The following PIWIL1 variants were observed in gnomAD, a reference collection of about 807,000 sequenced individuals.
PIWIL1 encodes piwi-like protein 1.
PIWIL1 carries 73 observed loss-of-function variants against 114.4 expected under a neutral mutation model. That is an observed-to-expected ratio of 0.64 (90% confidence interval 0.53 to 0.78). The LOEUF (loss-of-function observed/expected upper bound fraction) is 0.78, where lower values mean the gene tolerates loss of function less well. Among genes scored for constraint, PIWIL1 ranks in the 30% least tolerant of loss-of-function variants. PIWIL1 has a pLI of 0.00. For synonymous variants in PIWIL1, 375 were observed against 369.0 expected, an observed-to-expected ratio of 1.02 and a Z score of -0.19; for missense variants, 723 against 1,063.1, an observed-to-expected ratio of 0.68 and a Z score of 4.45.
chr12:130,402,825 G>GT, the PIWIL1 span, among the ~76,000 whole-genome samples: 1 of 152,220 alleles, frequency 6.6e-6, no homozygotes, highest in African/African-American at 2.4e-5. Flanking sequence ...AGTACGCCAC[G>GT]TGATGGCTTG....
At chr12:130,372,687 TA>T (rs1401872255), downstream of PIWIL1, 1 of 148,946 alleles carries the variant, frequency 6.7e-6, no homozygotes, top group Non-Finnish European at 1.5e-5. Flanking sequence ...TAAAATTTTT[TA>T]AGGAAATGCT....
chr12:130,392,061 C>T, the PIWIL1 span, among the ~76,000 whole-genome samples: 1,325 of 122,676 alleles, frequency 0.011, 14 homozygotes, highest in African/African-American at 0.039. Flanking sequence ...TGTGATGACC[C>T]GGTCACCGTC....
At chr12:130,339,259 C>T (rs1409058682) in intron 1 of PIWIL1, among the ~76,000 whole-genome samples, 5 of 152,088 alleles carry the variant, frequency 3.3e-5, no homozygotes, top group African/African-American at 1.2e-4. Flanking sequence ...GGGAAAGGGG[C>T]GGCGGGGCGG....
At chr12:130,393,649 T>C in the PIWIL1 span, among the ~76,000 whole-genome samples, 1 of 150,674 alleles carries the variant, frequency 6.6e-6, no homozygotes, top group African/African-American at 2.4e-5. Context: ...ACTAGACCGG[T>C]ATTGGATTTT....
the PIWIL1 span, among the ~76,000 whole-genome samples, chr12:130,419,041 G>A: frequency 4.9e-4 from 75 of 152,232 alleles, no homozygotes; most frequent in African/African-American, 1.4e-3. The surrounding 1 kb of genome is among the most constrained non-coding windows in gnomAD (Gnocchi z 4.3). Context: ...CAGCGTATGC[G>A]GTGACTCCAC....
At chr12:130,361,094 C>T in intron 14 of PIWIL1, 86 bp from the exon 15 acceptor site, 1 of 1,102,336 alleles carries the variant, frequency 9.1e-7, no homozygotes, top group Non-Finnish European at 1.3e-6. Context: ...ATTGATACTT[C>T]ACAGGTGAGT....
chr12:130,389,891 T>C, the PIWIL1 span, among the ~76,000 whole-genome samples: 1 of 152,234 alleles, frequency 6.6e-6, no homozygotes, highest in East Asian at 1.9e-4. Flanking sequence ...CGTGCTTTCA[T>C]TGTAATCCAG....
the PIWIL1 span, chr12:130,412,799 G>A: frequency 6.2e-7 from 1 of 1,603,602 alleles, no homozygotes; most frequent in Non-Finnish European, 8.5e-7. Context: ...TAGAGCCAAG[G>A]GGGAAAATAA....
intron 6 of PIWIL1, 66 bp from the exon 7 acceptor site, chr12:130,348,037 A>C (rs1304814288): frequency 3.7e-6 from 4 of 1,089,150 alleles, no homozygotes; most frequent in Non-Finnish European, 5.5e-6. Flanking sequence ...TCTAAACGAC[A>C]TGCTGTTCTG....
intron 1 of PIWIL1, among the ~76,000 whole-genome samples, chr12:130,341,959 TA>T (rs2072928022): frequency 6.6e-6 from 1 of 152,192 alleles, no homozygotes; most frequent in African/African-American, 2.4e-5. Context: ...CCATTCTTTT[TA>T]TTTAGATATA....
At chr12:130,422,795 T>C in the PIWIL1 span, among the ~76,000 whole-genome samples, 128 of 152,280 alleles carry the variant, frequency 8.4e-4, no homozygotes, top group African/African-American at 2.9e-3. This position sits in a 1 kb window ranked among gnomAD's most constrained non-coding sequence, Gnocchi z 5.2. Context: ...AAATAATTCC[T>C]TGTGGGGGGG....
chr12:130,357,316 A>G (rs1198140377), intron 13 of PIWIL1, among the ~76,000 whole-genome samples, 165 bp from the exon 14 acceptor site: 2 of 151,990 alleles, frequency 1.3e-5, no homozygotes, highest in East Asian at 3.9e-4. Context: ...TGCTTAAAAT[A>G]TTGCTCGTTT....
the PIWIL1 span, among the ~76,000 whole-genome samples, chr12:130,395,977 C>T: frequency 6.8e-6 from 1 of 147,402 alleles, no homozygotes; most frequent in African/African-American, 2.5e-5. Flanking sequence ...ACAACATTGT[C>T]AATGGCTCCC....
intron 7 of PIWIL1, 104 bp from the exon 8 acceptor site, chr12:130,349,135 C>A: frequency 1.4e-6 from 1 of 714,032 alleles, no homozygotes. Context: ...CATTCAGAAA[C>A]TTTATAGTTT....
At chr12:130,349,204 G>A in intron 7 of PIWIL1, 35 bp from the exon 8 acceptor site, 3 of 1,534,432 alleles carry the variant, frequency 2.0e-6, no homozygotes, top group Non-Finnish European at 2.7e-6. Context: ...GTTGAATGTG[G>A]AGAGGTTCTT....
Position 130,371,619 on chromosome 12 carries a change from C to T in PIWIL1, c.*21C>T, listed in dbSNP as rs765728467. ...TCTAACCTGCAGAAGACGATGCAGC[C>T]GCTTTTCTTTTTGAAATGACTTTGG... On this transcript the variant is annotated 3_prime_UTR_variant, in exon 21 of 21. Coordinates refer to ENST00000245255, the MANE Select transcript of PIWIL1 (RefSeq NM_004764.5). The T allele has an allele frequency of 1.9e-5, 27 of 1,403,972 alleles. No individual in the cohort carries two copies. Among genetic ancestry groups the T allele is most frequent in the South Asian group, 3.8e-5 (3 of 79,300 alleles). 87.0% of individuals were successfully genotyped at this position (1,403,972 alleles called of 1,614,324 possible). A position where few individuals can be genotyped will look rare whatever the true frequency, so the allele number is the denominator to read the frequency against.
rs200693645 is a variant in PIWIL1, at chr12:130,371,470, C to A, written c.2470-12C>A. ...TCTAGAGTAATAGAACCTTTTTTTC[C>A]TTCCACTAAAGGGTGTCATTCGTGT... On this transcript the variant is annotated splice_polypyrimidine_tract_variant and intron_variant, in intron 20 of 20. Transcript: ENST00000245255. 1.2e-6 allele frequency: 2 copies of A among 1,608,072 alleles called. No individual in the cohort carries two copies. The highest frequency in any genetic ancestry group is 8.5e-7 in the Non-Finnish European group (1 of 1,177,624).
At chr12:130,353,882 T>C (rs1466859851) in intron 9 of PIWIL1, among the ~76,000 whole-genome samples, 14 of 150,610 alleles carry the variant, frequency 9.3e-5, no homozygotes, top group Non-Finnish European at 2.1e-4. Context: ...GCCAAGATCA[T>C]GCCACTGCAC....
the PIWIL1 span, chr12:130,425,135 G>A: frequency 8.0e-4 from 269 of 334,954 alleles, no homozygotes; most frequent in African/African-American, 3.4e-3. Flanking sequence ...CCAAGGAGAG[G>A]GCAGGTGAGA....
Sources: allele counts gnomAD v4.1 joint callset (sites outside exome capture counted in the v4.1 genomes callset), GRCh38; gene constraint gnomAD v4.1.1; non-coding constraint Gnocchi (gnomAD v3.1); transcripts MANE v1.5; gene names NCBI Gene and HGNC (gene_info 2026-07-23, HGNC 2026-07-21).